Variants in SETBP1 observed in about 807,000 individuals in gnomAD.
SETBP1 encodes SET-binding protein.
Under a neutral mutation model 101.0 loss-of-function variants are expected in SETBP1, and 9 were observed. That is an observed-to-expected ratio of 0.09 (90% CI 0.05 to 0.16). SETBP1 has a LOEUF of 0.16. SETBP1 is among the 10% of genes least tolerant of loss of function. The pLI is 1.00. For synonymous variants in SETBP1, 818 were observed against 788.5 expected (o/e 1.04, Z -0.63); for missense variants, 1,858 against 2,033.8 (o/e 0.91, Z 1.66).
intron 5 of SETBP1, among the ~76,000 whole-genome samples, chr18:45,058,489 T>C (rs1599505396): frequency 1.3e-5 from 2 of 152,320 alleles, no homozygotes; most frequent in South Asian, 2.1e-4. Flanking sequence ...AAACTAAATA[T>C]AGAAGGGAAC....
At chr18:44,964,203 G>T (rs999561397) in intron 4 of SETBP1, among the ~76,000 whole-genome samples, 1 of 152,144 alleles carries the variant, frequency 6.6e-6, no homozygotes. Flanking sequence ...TCTTTGTGCT[G>T]TTATATTTTT....
chr18:44,898,056 AC>A (rs1568206558), intron 3 of SETBP1, among the ~76,000 whole-genome samples: 2 of 151,982 alleles, frequency 1.3e-5, no homozygotes, highest in Non-Finnish European at 2.9e-5. Flanking sequence ...AGGAATGGAA[AC>A]CCTGACTCTA....
At chr18:44,924,591 T>C (rs2070656710) in intron 3 of SETBP1, among the ~76,000 whole-genome samples, 1 of 152,162 alleles carries the variant, frequency 6.6e-6, no homozygotes, top group South Asian at 2.1e-4. Context: ...TTTGTTAATA[T>C]GCTTTTCCTA....
chr18:44,758,023 A>C (rs997708083), intron 2 of SETBP1, among the ~76,000 whole-genome samples: 2 of 152,152 alleles, frequency 1.3e-5, no homozygotes, highest in African/African-American at 4.8e-5. Flanking sequence ...AGCGAGTACT[A>C]AGGTTGAGGC....
chr18:44,727,105 A>G (rs1387893099), intron 2 of SETBP1, among the ~76,000 whole-genome samples: 2 of 152,036 alleles, frequency 1.3e-5, no homozygotes, highest in South Asian at 2.1e-4. Context: ...TCGTTTGGGT[A>G]ACTAGCATTG....
At chr18:44,754,533 A>G (rs1568126481) in intron 2 of SETBP1, among the ~76,000 whole-genome samples, 1 of 152,220 alleles carries the variant, frequency 6.6e-6, no homozygotes, top group Non-Finnish European at 1.5e-5. Flanking sequence ...AGAATAGGCC[A>G]GGGTTAAGTT....
intron 2 of SETBP1, among the ~76,000 whole-genome samples, chr18:44,762,466 G>A (rs2144594188): frequency 6.6e-6 from 1 of 152,334 alleles, no homozygotes; most frequent in South Asian, 2.1e-4. Flanking sequence ...GGTAGAGGTG[G>A]GAGTGGTGCT....
Position 44,779,756 on chromosome 18 carries a change from C to T in SETBP1, c.486+77924C>T, listed in dbSNP as rs550186783. 6.2e-4 allele frequency among the ~76,000 whole-genome samples: 94 copies of T among 152,246 alleles called. 1 individual carries two copies. Among genetic ancestry groups the T allele is most frequent in the Admixed American group, 5.8e-3 (88 of 15,292 alleles). ...ATCCACCCTCTGTAAGGGGAGGCTC[C>T]TTAATTGTCTTCCTTTTCTAGCTTC... On this transcript the variant is annotated intron_variant, in intron 2 of 5. Transcript: ENST00000649279.
At chr18:44,828,582 A>G (rs554593487) in intron 2 of SETBP1, among the ~76,000 whole-genome samples, 1 of 152,348 alleles carries the variant, frequency 6.6e-6, no homozygotes, top group East Asian at 1.9e-4. Flanking sequence ...AGGGTCGTAC[A>G]GAAAGGGGGT....
intron 3 of SETBP1, among the ~76,000 whole-genome samples, chr18:44,937,454 CAAAAA>C (rs34414710): frequency 1.2e-5 from 1 of 83,376 alleles, no homozygotes. Flanking sequence ...GACTCCGTCT[CAAAAA>C]AAAAAAAAAA....
At chr18:44,895,178 G>A (rs2069865690) in intron 3 of SETBP1, among the ~76,000 whole-genome samples, 1 of 107,516 alleles carries the variant, frequency 9.3e-6, no homozygotes, top group Non-Finnish European at 2.0e-5. Flanking sequence ...GGAAGAGGAG[G>A]GGAGGGGATG....
In SETBP1 at chr18:44,927,682, T is replaced by C. The variant is rs189104503; in HGVS notation, c.541-22199T>C. Among the ~76,000 whole-genome samples, 397 of 152,280 alleles carry C rather than the reference T, an allele frequency of 2.6e-3. 5 individuals carry two copies. The highest frequency in any genetic ancestry group is 7.0e-3 in the South Asian group (34 of 4,828). ...GAGCCAGGTCTGGGCTGGCCTCCTC[T>C]TCAAAGCAGTTATTGTCACTGTGGT... On this transcript the variant is annotated intron_variant, in intron 3 of 5. Transcript: ENST00000649279.
chr18:44,814,987 TATC>T (rs74471868), intron 2 of SETBP1, among the ~76,000 whole-genome samples: 8,804 of 152,274 alleles, frequency 0.058, 339 homozygotes, highest in East Asian at 0.13. Context: ...CTCCCTCTAA[TATC>T]ATAAGCATAT....
chr18:44,978,630 T>C (rs2072043346), intron 4 of SETBP1, among the ~76,000 whole-genome samples: 1 of 152,232 alleles, frequency 6.6e-6, no homozygotes. Flanking sequence ...ATGAGGGCTC[T>C]TACTGAATGT....
chr18:44,998,094 T>C (rs767972353), intron 4 of SETBP1, among the ~76,000 whole-genome samples: 3 of 152,182 alleles, frequency 2.0e-5, no homozygotes, highest in South Asian at 4.1e-4. Context: ...AGAAGGGAGA[T>C]TGGGACCGTT....
chr18:44,865,678 C>G (rs148651962), intron 2 of SETBP1, among the ~76,000 whole-genome samples: 2 of 152,094 alleles, frequency 1.3e-5, no homozygotes, highest in Non-Finnish European at 2.9e-5. Context: ...TATGTTTGGC[C>G]CAACAGCCCA....
rs879269430 is a variant in SETBP1 at position 45,051,620 on chromosome 18, C to T, written c.4172-11459C>T. Among the ~76,000 whole-genome samples, 20 of 152,240 alleles carry T rather than the reference C, an allele frequency of 1.3e-4. No homozygotes were observed. In the East Asian group the frequency reaches 2.7e-3, roughly 21 times the overall value. On this transcript the variant is annotated intron_variant, in intron 5 of 5. Transcript: ENST00000649279. ...CAACAAAAAAGACCATTCCTTCCCC[C>T]GCTTCTCTCTCTCCCTCTAATGTAT...
intron 2 of SETBP1, among the ~76,000 whole-genome samples, chr18:44,789,516 T>C (rs2071324860): frequency 6.6e-6 from 1 of 152,246 alleles, no homozygotes; most frequent in African/African-American, 2.4e-5. Context: ...CCGAGCAGTA[T>C]GTGGAAGATC....
intron 4 of SETBP1, among the ~76,000 whole-genome samples, chr18:45,034,549 A>G (rs1161446908): frequency 6.6e-6 from 1 of 152,194 alleles, no homozygotes; most frequent in Non-Finnish European, 1.5e-5. Context: ...AAAAAAAATT[A>G]TCAATAGAGG....
Sources: allele counts gnomAD v4.1 joint callset (sites outside exome capture counted in the v4.1 genomes callset), GRCh38; gene constraint gnomAD v4.1.1; transcripts MANE v1.5; gene names NCBI Gene and HGNC (gene_info 2026-07-23, HGNC 2026-07-21).